The following GPR89B variants were observed in gnomAD, a reference collection of about 807,000 sequenced individuals.
The protein encoded by GPR89B is G protein-coupled receptor 89B.
GPR89B carries 25 observed loss-of-function variants against 52.4 expected under a neutral mutation model. The observed-to-expected ratio is 0.48, with a 90% CI of 0.35 to 0.67. The LOEUF is 0.67. Among genes scored for constraint, GPR89B ranks in the 30% least tolerant of loss-of-function variants. GPR89B has a pLI of 0.01. For missense variants in GPR89B, 146 were observed against 450.2 expected, an observed-to-expected ratio of 0.32 and a Z score of 6.11; for synonymous variants, 52 against 151.2, an observed-to-expected ratio of 0.34 and a Z score of 4.81.
chr1:147,931,990 C>T (rs1312628739), intron 1 of GPR89B, among the ~76,000 whole-genome samples: 2 of 152,058 alleles, frequency 1.3e-5, no homozygotes, highest in African/African-American at 4.8e-5. Flanking sequence ...AGGTATATAT[C>T]TGTTTCTCTT....
chr1:147,975,392 G>C (rs1657762161), intron 10 of GPR89B, among the ~76,000 whole-genome samples: 1 of 144,830 alleles, frequency 6.9e-6, no homozygotes, highest in Admixed American at 7.1e-5. Context: ...GTTCAGTCTT[G>C]GGAGGGTGTA....
At chr1:147,932,455 CAGG>C (rs1653728451) in intron 1 of GPR89B, among the ~76,000 whole-genome samples, 1 of 152,002 alleles carries the variant, frequency 6.6e-6, no homozygotes, top group Non-Finnish European at 1.5e-5. Flanking sequence ...TTGCCAACGC[CAGG>C]AGTTTAACCC....
chr1:147,957,936 C>T (rs1355129340), intron 7 of GPR89B, among the ~76,000 whole-genome samples: 1 of 151,304 alleles, frequency 6.6e-6, no homozygotes, highest in East Asian at 1.9e-4. Flanking sequence ...TGGTGGTGGG[C>T]GCCTGTAGTC....
At chr1:147,951,999 G>C (rs1655751726) in intron 5 of GPR89B, among the ~76,000 whole-genome samples, 1 of 152,084 alleles carries the variant, frequency 6.6e-6, no homozygotes, top group Admixed American at 6.5e-5. Context: ...CATGACCATA[G>C]TGTAGAGTGA....
chr1:148,017,235 G>A, the GPR89B span, among the ~76,000 whole-genome samples: 1 of 151,302 alleles, frequency 6.6e-6, no homozygotes, highest in South Asian at 2.1e-4. Flanking sequence ...TAGAGACAGG[G>A]GTTTCACCGT....
downstream of GPR89B, among the ~76,000 whole-genome samples, chr1:147,993,674 T>C (rs1444728742): frequency 6.6e-6 from 1 of 151,502 alleles, no homozygotes; most frequent in African/African-American, 2.4e-5. Flanking sequence ...AATAAGTCAC[T>C]TGTGAAAGGG....
At chr1:148,017,403 A>G in the GPR89B span, among the ~76,000 whole-genome samples, 1 of 151,486 alleles carries the variant, frequency 6.6e-6, no homozygotes. Context: ...AATGGAGTAA[A>G]GAGGATGAAA....
At chr1:147,982,274 C>G (rs1460186312) in intron 10 of GPR89B, among the ~76,000 whole-genome samples, 1 of 151,606 alleles carries the variant, frequency 6.6e-6, no homozygotes, top group East Asian at 1.9e-4. Flanking sequence ...ATTGGCCAGG[C>G]TGGTCTCTAA....
At chr1:147,987,994 A>G (rs1658790791) in intron 11 of GPR89B, among the ~76,000 whole-genome samples, 1 of 152,214 alleles carries the variant, frequency 6.6e-6, no homozygotes, top group Non-Finnish European at 1.5e-5. Context: ...CTTTTCATTT[A>G]TCACAGTAAA....
At chr1:148,021,677 T>G in the GPR89B span, among the ~76,000 whole-genome samples, 1 of 151,650 alleles carries the variant, frequency 6.6e-6, no homozygotes, top group Non-Finnish European at 1.5e-5. Context: ...AAATGAAGAA[T>G]GGGCCCCCAG....
At chr1:147,978,842 C>T (rs1479882639) in intron 10 of GPR89B, among the ~76,000 whole-genome samples, 3 of 150,814 alleles carry the variant, frequency 2.0e-5, no homozygotes, top group African/African-American at 7.4e-5. Context: ...GGGAAAAGGG[C>T]AGACTGGACC....
rs587612344 is a variant in GPR89B at position 147,949,698 on chromosome 1, G to A, written c.416-3647G>A. Among the ~76,000 whole-genome samples, 72 of 139,306 alleles carry A rather than the reference G, an allele frequency of 5.2e-4. 2 individuals are homozygous for A. The South Asian group carries it at 0.015, about 29-fold the overall frequency. The allele number at this position is 139,306 out of a possible 152,430, so 91.4% of individuals were successfully genotyped here. ...TGACCCCCCCACCTCCTTCGCGGACGGGGCAGCTGGCCGGGCAGAGGGGAT... is the reference window on the plus strand; with the variant it reads ...TGACCCCCCCACCTCCTTCGCGGACAGGGCAGCTGGCCGGGCAGAGGGGAT... On this transcript the variant is annotated intron_variant, in intron 5 of 13. Coordinates refer to ENST00000314163, the MANE Select transcript of GPR89B (RefSeq NM_016334.5).
chr1:147,975,430 T>G (rs1657765904), intron 10 of GPR89B, among the ~76,000 whole-genome samples: 1 of 149,002 alleles, frequency 6.7e-6, no homozygotes, highest in Non-Finnish European at 1.5e-5. Flanking sequence ...CCATTTCTTC[T>G]AGATTTTCTA....
chr1:147,975,873 A>G (rs1419589663), intron 10 of GPR89B, among the ~76,000 whole-genome samples: 2 of 152,026 alleles, frequency 1.3e-5, no homozygotes, highest in Admixed American at 1.3e-4. Flanking sequence ...TTCTCATAGT[A>G]TCAAATAACT....
chr1:147,977,233 CAAAAAAAAA>C (rs1191631857), intron 10 of GPR89B, among the ~76,000 whole-genome samples: 13 of 41,324 alleles, frequency 3.1e-4, no homozygotes, highest in South Asian at 1.9e-3. Context: ...GACTCCATCT[CAAAAAAAAA>C]AAAAAAAAAA....
intron 9 of GPR89B, 107 bp downstream of exon 9, chr1:147,969,070 C>CAG (rs1657239767): frequency 1.3e-6 from 1 of 789,536 alleles, no homozygotes; most frequent in Non-Finnish European, 2.0e-6. Flanking sequence ...AGATACCTCA[C>CAG]AGCTTCTATA....
intron 2 of GPR89B, among the ~76,000 whole-genome samples, chr1:147,937,070 G>T (rs1553248065): frequency 6.6e-6 from 1 of 152,066 alleles, no homozygotes; most frequent in African/African-American, 2.4e-5. Flanking sequence ...GCTATCAGGG[G>T]AACCAGTCCC....
At chr1:148,008,197 C>T in the GPR89B span, among the ~76,000 whole-genome samples, 1 of 152,212 alleles carries the variant, frequency 6.6e-6, no homozygotes, top group Non-Finnish European at 1.5e-5. Flanking sequence ...AAACACTCAG[C>T]ATTTCTCCTG....
At chr1:147,940,382 G>A (rs1353055840) in intron 3 of GPR89B, among the ~76,000 whole-genome samples, 1 of 151,562 alleles carries the variant, frequency 6.6e-6, no homozygotes, top group Admixed American at 6.6e-5. Context: ...CAGCCTGGGC[G>A]ACAGAGCAAG....
Sources: gnomAD v4.1 joint callset for allele counts (sites outside exome capture counted in the v4.1 genomes callset) on GRCh38, gnomAD v4.1.1 for gene constraint, MANE v1.5 for transcripts, NCBI Gene and HGNC (gene_info 2026-07-23, HGNC 2026-07-21) for gene names.